CEP170B: variants seen among roughly 807,000 people sequenced by gnomAD.
CEP170B encodes centrosomal protein of 170 kDa protein B.
Under a neutral mutation model 120.6 loss-of-function variants are expected in CEP170B, and 55 were observed. The observed-to-expected ratio is 0.46, with a 90% CI of 0.37 to 0.57. The LOEUF (loss-of-function observed/expected upper bound fraction) is 0.57. CEP170B is among the 20% of genes least tolerant of loss of function. The pLI is 0.00. For synonymous variants in CEP170B, 1,033 were observed against 954.5 expected, an observed-to-expected ratio of 1.08 and a Z score of -1.52; for missense variants, 2,212 against 2,253.3, an observed-to-expected ratio of 0.98 and a Z score of 0.37.
Position 104,883,183 on chromosome 14 carries a change from G to T in CEP170B, c.726G>T (p.Val242=). Residue 242 remains valine, a synonymous_variant, in exon 8 of 19, where the codon GTG becomes GTT. Coordinates refer to ENST00000414716, the MANE Select transcript of CEP170B (RefSeq NM_001112726.3). Reference sequence around the variant, plus strand: ...CGCAGCCGTCGCAGCCCCCCGAGGTGCCGGCACACGAGATGCCCACGAAGG... The same window carrying T: ...CGCAGCCGTCGCAGCCCCCCGAGGTTCCGGCACACGAGATGCCCACGAAGG... The part of the protein sequence containing the change: ...ETPQPSQPPE[V]PAHEMPTKDA... The T allele has an allele frequency of 6.2e-7, 1 of 1,609,506 alleles. No individual in the cohort carries two copies. The highest frequency in any genetic ancestry group is 1.1e-5 in the South Asian group (1 of 90,806).
intron 5 of CEP170B, 51 bp from the exon 6 acceptor site, chr14:104,880,236 G>A (rs2140673097): frequency 6.4e-7 from 1 of 1,552,550 alleles, no homozygotes; most frequent in South Asian, 1.2e-5. Context: ...ACCCTGGTGG[G>A]TTCCTCCTGA....
chr14:104,884,062 G>T lies in CEP170B; in HGVS notation c.1283G>T (p.Gly428Val). ...CAGTCCTTCACGCACAGCCCGTCCG[G>T]GGACCCCAAGGCCGACAAGCGCCGT... ...RSQSFTHSPS[G>V]DPKADKRRGP... The change falls in exon 9 of 19, where the codon GGG becomes GTG. Residue 428 changes from glycine (G) to valine (V), a missense_variant. Coordinates refer to ENST00000414716, the MANE Select transcript of CEP170B (RefSeq NM_001112726.3). The T allele has an allele frequency of 6.2e-7, 1 of 1,607,570 alleles. No individual in the cohort carries two copies. The highest frequency in any genetic ancestry group is 1.3e-5 in the African/African-American group (1 of 74,976).
chr14:104,884,013 GAC>G lies in CEP170B; in HGVS notation c.1239_1240del (p.Arg415LysfsTer28). 1 of 1,611,000 alleles carries G rather than the reference GAC, an allele frequency of 6.2e-7. No individual in the cohort carries two copies. Among genetic ancestry groups the G allele is most frequent in the Non-Finnish European group, 8.5e-7 (1 of 1,178,982 alleles). ...QAFVIEFFDEDTPRKKRSQSF... is the reference protein window; with the variant it reads ...QAFVIEFFDEXTPRKKRSQSF... ...CTTTGTCATCGAGTTCTTCGACGAG[GAC>G]ACACCCCGAAAGAAGCGCTCCCAGT... is the stretch of plus-strand genomic sequence containing the variant. On this transcript the variant is annotated frameshift_variant, in exon 9 of 19. Transcript: ENST00000414716. LOFTEE classifies it high-confidence loss of function.
intron 10 of CEP170B, 139 bp downstream of exon 10, chr14:104,885,681 G>A: frequency 8.2e-7 from 1 of 1,226,982 alleles, no homozygotes; most frequent in Non-Finnish European, 1.1e-6. Flanking sequence ...AGGGTGGGCT[G>A]GGGCTTCCAT....
chr14:104,885,477 C>A lies in CEP170B; in HGVS notation c.1879C>A (p.Arg627=). The change falls in exon 10 of 19, where the codon CGG becomes AGG. Residue 627 remains arginine, a synonymous_variant. Transcript: ENST00000414716. ...DESDDGGVAQ[R]MALLQEFASR... ...GTCTGATGACGGGGGCGTGGCCCAG[C>A]GGATGGCGCTACTGCAGGAGTTTGC... is the stretch of plus-strand genomic sequence containing the variant. 1 of 1,562,988 alleles carries A rather than the reference C, an allele frequency of 6.4e-7. No homozygotes were observed. Among genetic ancestry groups the A allele is most frequent in the Admixed American group, 1.9e-5 (1 of 51,960 alleles).
Position 104,887,587 on chromosome 14 carries a change from C to T in CEP170B, c.3348C>T (p.Ser1116=). 3 of 1,587,630 alleles carry T rather than the reference C, an allele frequency of 1.9e-6. No individual in the cohort carries two copies. The highest frequency in any genetic ancestry group is 2.6e-6 in the Non-Finnish European group (3 of 1,168,520). The change falls in exon 12 of 19, where the codon TCC becomes TCT. Residue 1116 remains serine, a synonymous_variant. Transcript: ENST00000414716. ...CCTTGACCCGCTCCAACAGCCTGTC[C>T]ACCCCTCGCCCCACACGGGCCTCCC... ...PQALTRSNSL[S]TPRPTRASRL... is the part of the protein sequence containing the mutation.
At position 104,883,981 on chromosome 14, in the gene CEP170B, A is replaced by C. The variant is rs1896307905; in HGVS notation, c.1202A>C (p.Gln401Pro). ...GACCCCCAGGAGCTACTACATAACCAGCAGGCCTTTGTCATCGAGTTCTTC... is the reference window on the plus strand; with the variant it reads ...GACCCCCAGGAGCTACTACATAACCCGCAGGCCTTTGTCATCGAGTTCTTC... ...KRDPQELLHN[Q>P]QAFVIEFFDE... The change falls in exon 9 of 19, where the codon CAG (glutamine) becomes CCG (proline). Residue 401 changes from glutamine to proline, a missense_variant. By Grantham distance (76) the Gln-to-Pro change is moderately conservative (BLOSUM62 -1). Transcript: ENST00000414716. The C allele has an allele frequency of 6.2e-7, 1 of 1,610,434 alleles. No homozygotes were observed. Among genetic ancestry groups the C allele is most frequent in the African/African-American group, 1.3e-5 (1 of 74,908 alleles).
intron 2 of CEP170B, among the ~76,000 whole-genome samples, chr14:104,874,960 C>T (rs1326560351): frequency 6.6e-6 from 1 of 152,254 alleles, no homozygotes; most frequent in Non-Finnish European, 1.5e-5. Flanking sequence ...TTGCCCCCAA[C>T]TAGCCCCTGC....
chr14:104,890,737 A>G (rs1385297605), intron 13 of CEP170B, among the ~76,000 whole-genome samples: 4 of 99,828 alleles, frequency 4.0e-5, no homozygotes, highest in Admixed American at 9.9e-5. Flanking sequence ...GGATGGATGG[A>G]TGGATGAATG....
At position 104,867,266 on chromosome 14, in the gene CEP170B, C is replaced by T. The variant is rs1376157825; in HGVS notation, c.-27-1158C>T. Reference sequence around the variant, plus strand: ...TGGTGGCACCAGCTGTTCCCTCTGCCTGGAATGCAGTCCCACAAGCGTTCA... The same window carrying T: ...TGGTGGCACCAGCTGTTCCCTCTGCTTGGAATGCAGTCCCACAAGCGTTCA... On this transcript the variant is annotated intron_variant, in intron 1 of 18. Coordinates refer to ENST00000414716, the MANE Select transcript of CEP170B (RefSeq NM_001112726.3). The surrounding 1 kb of genome is among the most constrained non-coding windows in gnomAD (Gnocchi z 5.4). 5.3e-5 allele frequency among the ~76,000 whole-genome samples: 8 copies of T among 152,146 alleles called. No homozygotes were observed. The East Asian group carries it at 1.5e-3, about 29-fold the overall frequency.
At chr14:104,890,283 TGA>T in intron 13 of CEP170B, among the ~76,000 whole-genome samples, 8 of 118,276 alleles carry the variant, frequency 6.8e-5, no homozygotes, top group South Asian at 3.1e-4. Flanking sequence ...AATGGATGAG[TGA>T]GTGGGTGGAT....
At chr14:104,890,771 G>T (rs560469679) in intron 13 of CEP170B, among the ~76,000 whole-genome samples, 1 of 138,892 alleles carries the variant, frequency 7.2e-6, no homozygotes, top group South Asian at 2.5e-4. Context: ...GTGGATGGAT[G>T]GATGAGTGGG....
At chr14:104,871,651 G>A (rs1467863673) in intron 2 of CEP170B, among the ~76,000 whole-genome samples, 1 of 152,182 alleles carries the variant, frequency 6.6e-6, no homozygotes, top group Non-Finnish European at 1.5e-5. Context: ...GTGTAAAGAA[G>A]GTGGTACTGG....
At chr14:104,869,957 TGGA>T (rs1895389215) in intron 2 of CEP170B, among the ~76,000 whole-genome samples, 2 of 152,378 alleles carry the variant, frequency 1.3e-5, no homozygotes, top group African/African-American at 4.8e-5. Flanking sequence ...CTCTTGAGTC[TGGA>T]CCCAGCAGGT....
In CEP170B at chr14:104,891,721, C is replaced by A. The variant is rs1406235896; in HGVS notation, c.3879-1255C>A. Among the ~76,000 whole-genome samples, 2 of 152,022 alleles carry A rather than the reference C, an allele frequency of 1.3e-5. No individual in the cohort carries two copies. Among genetic ancestry groups the A allele is most frequent in the Admixed American group, 6.5e-5 (1 of 15,268 alleles). ...GGATGTGGGGGGCCCATGTGGGTTT[C>A]TGGAGTTCTCTGCCTTCCATGGTGG... is the stretch of plus-strand genomic sequence containing the variant. On this transcript the variant is annotated intron_variant, in intron 13 of 18. Coordinates refer to ENST00000414716, the MANE Select transcript of CEP170B (RefSeq NM_001112726.3). The surrounding 1 kb of genome is among the most constrained non-coding windows in gnomAD (Gnocchi z 4.3).
rs531729085 is a variant in CEP170B, at chr14:104,877,129, C to T, written c.196-756C>T. On this transcript the variant is annotated intron_variant, in intron 3 of 18. Transcript: ENST00000414716. ...AGCCCCTCAGCAGCCCCTCAAGGAG[C>T]TCCGGCCAGGGGGTCTCAGGCTGCT... is the stretch of plus-strand genomic sequence containing the variant. Among the ~76,000 whole-genome samples, 4 of 152,210 alleles carry T rather than the reference C, an allele frequency of 2.6e-5. No homozygotes were observed. The East Asian group carries it at 7.7e-4, about 29-fold the overall frequency.
chr14:104,871,937 C>G (rs1233342060), intron 2 of CEP170B, among the ~76,000 whole-genome samples: 2 of 152,220 alleles, frequency 1.3e-5, no homozygotes, highest in African/African-American at 4.8e-5. Flanking sequence ...TCCCACGGAC[C>G]ACGCTGTCCA....
intron 6 of CEP170B, among the ~76,000 whole-genome samples, chr14:104,880,889 T>C (rs1896117267): frequency 7.0e-6 from 1 of 142,574 alleles, no homozygotes; most frequent in African/African-American, 2.7e-5. Flanking sequence ...ATCCCTCACC[T>C]CTTACCCCAC....
intron 8 of CEP170B, 121 bp from the exon 9 acceptor site, chr14:104,883,710 G>T (rs918984352): frequency 1.2e-5 from 13 of 1,130,436 alleles, no homozygotes; most frequent in Admixed American, 5.6e-5. Context: ...TGTGTGGGGG[G>T]GCCCTGAGGG....
Sources: allele counts gnomAD v4.1 joint callset (sites outside exome capture counted in the v4.1 genomes callset), GRCh38; gene constraint gnomAD v4.1.1; non-coding constraint Gnocchi (gnomAD v3.1); transcripts MANE v1.5; gene names NCBI Gene and HGNC (gene_info 2026-07-23, HGNC 2026-07-21).